The following ADGRV1 variants were observed in gnomAD, a reference collection of about 807,000 sequenced individuals.
ADGRV1 encodes adhesion G protein-coupled receptor V1, also known as G-protein coupled receptor 98.
ADGRV1 carries 359 observed loss-of-function variants against 596.2 expected under a neutral mutation model. The observed-to-expected ratio is 0.60, with a 90% confidence interval of 0.55 to 0.66. The LOEUF (loss-of-function observed/expected upper bound fraction) is 0.66. Ranked by LOEUF, ADGRV1 falls within the 30% of genes least tolerant of loss-of-function variation. ADGRV1 has a pLI of 0.00. For synonymous variants in ADGRV1, 2,681 were observed against 2,679.2 expected (o/e 1.00, Z -0.02); for missense variants, 7,274 against 7,575.6 (o/e 0.96, Z 1.48).
intron 85 of ADGRV1, among the ~76,000 whole-genome samples, chr5:91,040,303 CT>C (rs1785234181): frequency 6.6e-6 from 1 of 151,994 alleles, no homozygotes; most frequent in Admixed American, 6.6e-5. Context: ...AATTTCAAGC[CT>C]TCTCTGAGAT....
chr5:90,923,636 T>C (rs1030713190), intron 83 of ADGRV1, among the ~76,000 whole-genome samples: 2 of 152,178 alleles, frequency 1.3e-5, no homozygotes, highest in African/African-American at 2.4e-5. Context: ...TGTTCTTTTT[T>C]TTTATTATTA....
intron 85 of ADGRV1, among the ~76,000 whole-genome samples, chr5:91,006,536 A>G (rs1378023427): frequency 6.6e-6 from 1 of 152,162 alleles, no homozygotes; most frequent in Non-Finnish European, 1.5e-5. Context: ...GGTATCAATT[A>G]GTAAGATGTT....
intron 69 of ADGRV1, 66 bp from the exon 70 acceptor site, chr5:90,790,807 T>C: frequency 9.6e-7 from 1 of 1,046,654 alleles, no homozygotes; most frequent in East Asian, 2.4e-5. Flanking sequence ...AAAAACATAA[T>C]TTAAGGGAAT....
chr5:91,051,537 ATTTTTTTTTTTTTTTT>A (rs1192844206), intron 85 of ADGRV1, among the ~76,000 whole-genome samples: 1 of 102,484 alleles, frequency 9.8e-6, no homozygotes, highest in Admixed American at 1.2e-4. Context: ...TTGACTTAGG[ATTTTTTTTTTTTTTTT>A]TTTTTTTTTT....
intron 83 of ADGRV1, among the ~76,000 whole-genome samples, chr5:90,898,661 T>C (rs1032823561): frequency 2.6e-5 from 4 of 152,138 alleles, no homozygotes; most frequent in Non-Finnish European, 4.4e-5. Context: ...TGCTAGAAAC[T>C]GGCTGGGTGC....
intron 85 of ADGRV1, among the ~76,000 whole-genome samples, chr5:91,000,076 A>AATCAGAGGT (rs1471145984): frequency 3.3e-5 from 5 of 152,176 alleles, no homozygotes; most frequent in African/African-American, 1.2e-4. Flanking sequence ...TAAAAATAAA[A>AATCAGAGGT]ATCAGAGGTA....
At chr5:90,930,217 A>G (rs1216980738) in intron 83 of ADGRV1, among the ~76,000 whole-genome samples, 1 of 152,206 alleles carries the variant, frequency 6.6e-6, no homozygotes, top group African/African-American at 2.4e-5. Flanking sequence ...ATAGAGTCAG[A>G]TGTTCTACTT....
At chr5:90,824,295 A>T (rs552740740) in intron 76 of ADGRV1, among the ~76,000 whole-genome samples, 98 of 152,332 alleles carry the variant, frequency 6.4e-4, no homozygotes, top group African/African-American at 1.7e-3. Context: ...AGCAATAACA[A>T]ATATTCTAGA....
intron 76 of ADGRV1, among the ~76,000 whole-genome samples, chr5:90,827,220 G>A (rs1002716574): frequency 1.3e-5 from 2 of 152,120 alleles, no homozygotes; most frequent in Non-Finnish European, 2.9e-5. Context: ...AAAAGAACCT[G>A]CTGGGAATTA....
chr5:90,600,599 G>A (rs530275881), intron 1 of ADGRV1, among the ~76,000 whole-genome samples: 4 of 152,248 alleles, frequency 2.6e-5, no homozygotes, highest in South Asian at 2.1e-4. Context: ...ATTGTGAATA[G>A]TGCAGCAATA....
chr5:90,944,187 T>G (rs1776389557), intron 83 of ADGRV1, among the ~76,000 whole-genome samples: 1 of 152,192 alleles, frequency 6.6e-6, no homozygotes, highest in South Asian at 2.1e-4. Flanking sequence ...AGTAATCTTT[T>G]TTCCCTCTGG....
At chr5:91,042,800 G>A (rs918275984) in intron 85 of ADGRV1, among the ~76,000 whole-genome samples, 2 of 152,166 alleles carry the variant, frequency 1.3e-5, no homozygotes, top group Non-Finnish European at 2.9e-5. Flanking sequence ...ACTTGTGCTT[G>A]TAGACCCATA....
At chr5:90,616,422 TA>T (rs1763375153) in intron 2 of ADGRV1, among the ~76,000 whole-genome samples, 1 of 152,114 alleles carries the variant, frequency 6.6e-6, no homozygotes, top group South Asian at 2.1e-4. Context: ...AATGCTAAAA[TA>T]ATTAGATCTT....
chr5:90,719,564 A>G (rs569002289), intron 43 of ADGRV1, among the ~76,000 whole-genome samples: 24 of 152,196 alleles, frequency 1.6e-4, no homozygotes, highest in African/African-American at 3.9e-4. Context: ...GGTTGCATGC[A>G]TCAGTAGTTG....
chr5:90,682,884 T>C (rs1019825949), intron 27 of ADGRV1, among the ~76,000 whole-genome samples: 4 of 152,240 alleles, frequency 2.6e-5, no homozygotes, highest in African/African-American at 7.2e-5. Context: ...TGTATTTTCT[T>C]ATACTTTGGG....
At chr5:90,984,167 C>T (rs1364573799) in intron 84 of ADGRV1, among the ~76,000 whole-genome samples, 1 of 151,980 alleles carries the variant, frequency 6.6e-6, no homozygotes, top group Admixed American at 6.6e-5. Context: ...CCAAGATTAT[C>T]CACTTAAAGT....
At chr5:90,679,111 G>T (rs1370656818) in intron 25 of ADGRV1, among the ~76,000 whole-genome samples, 3 of 152,122 alleles carry the variant, frequency 2.0e-5, no homozygotes, top group African/African-American at 7.2e-5. Context: ...GTGGATGGAA[G>T]GAAAGGTTAG....
intron 59 of ADGRV1, among the ~76,000 whole-genome samples, chr5:90,765,472 A>AC (rs1561684860): frequency 4.3e-4 from 50 of 115,496 alleles, no homozygotes; most frequent in Middle Eastern, 9.2e-3. Context: ...CACACACACA[A>AC]ACTCTAGATA....
intron 70 of ADGRV1, chr5:90,792,125 G>A (rs1010740862): frequency 1.3e-5 from 2 of 152,172 alleles, no homozygotes; most frequent in African/African-American, 4.8e-5. Context: ...GTGTCATCTT[G>A]AGAAAAACTT....
Sources: allele counts gnomAD v4.1 joint callset (sites outside exome capture counted in the v4.1 genomes callset), GRCh38; gene constraint gnomAD v4.1.1; transcripts MANE v1.5; gene names NCBI Gene and HGNC (gene_info 2026-07-23, HGNC 2026-07-21).